The following TMEM132E variants were observed in gnomAD, a reference collection of about 807,000 sequenced individuals.
TMEM132E encodes the protein transmembrane protein 132E.
TMEM132E carries 49 observed loss-of-function variants against 78.5 expected under a neutral mutation model. That is an observed-to-expected ratio of 0.62 (90% confidence interval 0.50 to 0.79). The LOEUF is 0.79. Among genes scored for constraint, TMEM132E ranks in the 30% least tolerant of loss-of-function variants. TMEM132E has a pLI of 0.00. For missense variants in TMEM132E, 1,403 were observed against 1,470.9 expected (o/e 0.95, Z 0.75); for synonymous variants, 715 against 670.6 (o/e 1.07, Z -1.02).
chr17:34,628,730 C>T, intron 3 of TMEM132E, 21 bp downstream of exon 3: 1 of 1,560,454 alleles, frequency 6.4e-7, no homozygotes, highest in Non-Finnish European at 8.7e-7. Context: ...GGTGGTGCAT[C>T]TACCCACCTC....
intron 1 of TMEM132E, among the ~76,000 whole-genome samples, chr17:34,585,780 A>T (rs1472446046): frequency 6.6e-6 from 1 of 152,168 alleles, no homozygotes; most frequent in Non-Finnish European, 1.5e-5. Context: ...AAACCTTACC[A>T]AGTGCTATGA....
rs77774846 is a variant in TMEM132E at position 34,593,001 on chromosome 17, C to T, written c.67+11858C>T. Among the ~76,000 whole-genome samples, 371 of 152,286 alleles carry T rather than the reference C, an allele frequency of 2.4e-3. 2 individuals carry two copies. Among genetic ancestry groups the T allele is most frequent in the African/African-American group, 7.9e-3 (330 of 41,556 alleles). ...TCCAATAGAAATATAACAGCAGCCA[C>T]GTATCTCACTTAATCTTGTCTATTT... is the stretch of plus-strand genomic sequence containing the variant. On this transcript the variant is annotated intron_variant, in intron 1 of 8. Coordinates refer to ENST00000631683, the MANE Select transcript of TMEM132E (RefSeq NM_001304438.2).
At chr17:34,597,856 G>A (rs1034662259) in intron 1 of TMEM132E, among the ~76,000 whole-genome samples, 8 of 152,116 alleles carry the variant, frequency 5.3e-5, no homozygotes, top group African/African-American at 1.4e-4. Context: ...GTCACTGGGG[G>A]CTGAGATCCT....
chr17:34,632,704 G>T lies in TMEM132E; in HGVS notation c.1483G>T (p.Val495Leu), dbSNP rs1429127292. The T allele has an allele frequency of 1.2e-6, 2 of 1,614,134 alleles. No individual in the cohort carries two copies. The highest frequency in any genetic ancestry group is 1.7e-6 in the Non-Finnish European group (2 of 1,180,022). Residue 495 changes from valine to leucine, a missense_variant and splice_region_variant, in exon 6 of 9, where the codon GTA becomes TTA. Around this residue, in one of 3 missense-constraint regions of TMEM132E, gnomAD observed 888 missense variants for 952.8 expected, o/e 0.93. Coordinates refer to ENST00000631683, the MANE Select transcript of TMEM132E (RefSeq NM_001304438.2). Reference protein sequence around the residue: ...CESDNEDIIKVSSSCDYVFVS... With the variant: ...CESDNEDIIKLSSSCDYVFVS... ...GCCAACTGTTCCTCCCTTCCCCCAG[G>T]TATCCAGCAGCTGTGACTACGTGTT...
At chr17:34,588,421 G>T (rs748495107) in intron 1 of TMEM132E, among the ~76,000 whole-genome samples, 2 of 152,218 alleles carry the variant, frequency 1.3e-5, no homozygotes, top group Admixed American at 1.3e-4. Flanking sequence ...GGGAGGTGAT[G>T]TCTGGAATAA....
Position 34,599,972 on chromosome 17 carries a change from C to T in TMEM132E, c.67+18829C>T, listed in dbSNP as rs546641856. 2.4e-4 allele frequency among the ~76,000 whole-genome samples: 36 copies of T among 152,126 alleles called. No individual in the cohort carries two copies. The East Asian group carries it at 6.4e-3, about 27-fold the overall frequency. ...GGCAGATCCCCTGATGCTGGGGGCC[C>T]TGGTGGGGAGGGGGGCTTGGAGGCC... On this transcript the variant is annotated intron_variant, in intron 1 of 8. Transcript: ENST00000631683.
At chr17:34,587,375 G>A (rs1240226817) in intron 1 of TMEM132E, among the ~76,000 whole-genome samples, 1 of 152,172 alleles carries the variant, frequency 6.6e-6, no homozygotes, top group South Asian at 2.1e-4. Flanking sequence ...CAGTGGGGGG[G>A]AATGGTTCTT....
Position 34,622,938 on chromosome 17 carries a change from C to T in TMEM132E, c.68-3189C>T, listed in dbSNP as rs192126555. Among the ~76,000 whole-genome samples, 6 of 151,782 alleles carry T rather than the reference C, an allele frequency of 4.0e-5. No homozygotes were observed. In the East Asian group the frequency reaches 1.2e-3, roughly 29 times the overall value. On this transcript the variant is annotated intron_variant, in intron 1 of 8. Coordinates refer to ENST00000631683, the MANE Select transcript of TMEM132E (RefSeq NM_001304438.2). Reference sequence around the variant, plus strand: ...AGTGGTGGGGCTGGGGGAGAGACAGCGCTACTTTAGATAAATGATCAGGAG... The same window carrying T: ...AGTGGTGGGGCTGGGGGAGAGACAGTGCTACTTTAGATAAATGATCAGGAG...
chr17:34,605,780 C>T (rs745818975), intron 1 of TMEM132E, among the ~76,000 whole-genome samples: 5 of 152,208 alleles, frequency 3.3e-5, no homozygotes, highest in African/African-American at 9.6e-5. Flanking sequence ...GCTGGTTGGA[C>T]TCCCAGCTGC....
At chr17:34,598,409 A>T (rs1597678770) in intron 1 of TMEM132E, among the ~76,000 whole-genome samples, 1 of 151,730 alleles carries the variant, frequency 6.6e-6, no homozygotes, top group East Asian at 1.9e-4. Context: ...CTGGGGCCCC[A>T]CTCTGCTTTC....
intron 1 of TMEM132E, among the ~76,000 whole-genome samples, chr17:34,586,293 G>GTGTGTT (rs1278179521): frequency 2.0e-5 from 3 of 151,998 alleles, no homozygotes; most frequent in Non-Finnish European, 4.4e-5. Context: ...GTGTGTGTGT[G>GTGTGTT]TGTGTGTGTT....
chr17:34,587,829 G>T (rs977822972), intron 1 of TMEM132E, among the ~76,000 whole-genome samples: 10 of 152,200 alleles, frequency 6.6e-5, no homozygotes, highest in African/African-American at 2.4e-4. Flanking sequence ...TGTCACATTG[G>T]CTGCTATGTG....
rs374567511 is a variant in TMEM132E at position 34,635,129 on chromosome 17, G to T, written c.1977+42G>T. ...TCCCAGCACAAAGGGGCAGTGTCGG[G>T]AGCCTTATTTACCTGTGGGTGCAGA... On this transcript the variant is annotated intron_variant, in intron 7 of 8. Coordinates refer to ENST00000631683, the MANE Select transcript of TMEM132E (RefSeq NM_001304438.2). 2.3e-5 allele frequency: 35 copies of T among 1,539,354 alleles called. No homozygotes were observed. The African/African-American group carries it at 2.6e-4, about 11-fold the overall frequency.
At chr17:34,637,089 T>C in intron 8 of TMEM132E, 88 bp from the exon 9 acceptor site, 1 of 1,194,526 alleles carries the variant, frequency 8.4e-7, no homozygotes, top group African/African-American at 1.5e-5. Flanking sequence ...AGACCCGTGG[T>C]CCCTGCCCCT....
intron 1 of TMEM132E, among the ~76,000 whole-genome samples, chr17:34,595,766 ACAGGGG>A (rs1197673294): frequency 6.6e-6 from 1 of 152,150 alleles, no homozygotes; most frequent in African/African-American, 2.4e-5. Flanking sequence ...GAGGGTATTG[ACAGGGG>A]CAGCAACGCC....
In TMEM132E at chr17:34,637,067, G is replaced by C; in HGVS notation, c.2170-110G>C. ...GCACAGTTCCAGTGCTGAGAATACA[G>C]CAGGGAGCCAGAGACCCGTGGTCCC... On this transcript the variant is annotated intron_variant, in intron 8 of 8. Transcript: ENST00000631683. The C allele has an allele frequency of 8.6e-6, 8 of 925,714 alleles. No individual in the cohort carries two copies. In the South Asian group the frequency reaches 1.1e-4, roughly 13 times the overall value. 57.3% of individuals were successfully genotyped at this position (925,714 alleles called of 1,614,324 possible).
intron 1 of TMEM132E, among the ~76,000 whole-genome samples, chr17:34,606,586 G>A (rs73284045): frequency 0.021 from 3,253 of 152,208 alleles, 106 homozygotes; most frequent in South Asian, 0.072. Flanking sequence ...CCTCCCCTTC[G>A]CCCTCACAGA....
At chr17:34,629,914 T>TGGG (rs5820093) in intron 4 of TMEM132E, 94 bp from the exon 5 acceptor site, 39 of 1,210,520 alleles carry the variant, frequency 3.2e-5, no homozygotes, top group Non-Finnish European at 3.4e-5. Context: ...ATCTGAGGAG[T>TGGG]GGGGGGGGAG....
At chr17:34,614,967 AGGG>A (rs1906728412) in intron 1 of TMEM132E, among the ~76,000 whole-genome samples, 1 of 152,218 alleles carries the variant, frequency 6.6e-6, no homozygotes, top group African/African-American at 2.4e-5. Context: ...TCCCAGGACC[AGGG>A]AACCTTTCCT....
Sources: allele counts gnomAD v4.1 joint callset (sites outside exome capture counted in the v4.1 genomes callset), GRCh38; gene constraint gnomAD v4.1.1; regional missense constraint gnomAD v4.1.1; transcripts MANE v1.5; gene names NCBI Gene and HGNC (gene_info 2026-07-23, HGNC 2026-07-21).